The following AGBL1 variants were observed in gnomAD, a reference collection of about 807,000 sequenced individuals.
The protein encoded by AGBL1 is AGBL carboxypeptidase 1.
Under a neutral mutation model 118.9 loss-of-function variants are expected in AGBL1, and 130 were observed. The ratio of observed to expected loss-of-function variants is 1.09; its 90% CI spans 0.95 to 1.26. The LOEUF (loss-of-function observed/expected upper bound fraction) is 1.26, where lower values mean the gene tolerates loss of function less well. Among genes scored for constraint, AGBL1 ranks in the 50% most tolerant of loss-of-function variants. The pLI is 0.00. For synonymous variants in AGBL1, 555 were observed against 478.9 expected (o/e 1.16, Z -2.08); for missense variants, 1,584 against 1,298.1 (o/e 1.22, Z -3.38).
At chr15:87,022,702 A>G (rs1356382873) in intron 24 of AGBL1, among the ~76,000 whole-genome samples, 3 of 152,076 alleles carry the variant, frequency 2.0e-5, no homozygotes, top group African/African-American at 7.2e-5. Flanking sequence ...GAGCTGTGAG[A>G]CAAAAGTACC....
chr15:86,397,577 A>G (rs1172030224), intron 18 of AGBL1, 31 bp downstream of exon 18: 4 of 1,573,140 alleles, frequency 2.5e-6, no homozygotes, highest in Non-Finnish European at 3.5e-6. Context: ...AGCCAAACCC[A>G]CAATTATGCT....
chr15:86,632,133 T>A (rs1404091376), intron 21 of AGBL1, among the ~76,000 whole-genome samples: 2 of 151,230 alleles, frequency 1.3e-5, no homozygotes, highest in Middle Eastern at 3.2e-3. Context: ...CCAGGTGTGG[T>A]GGCTCACATT....
chr15:86,565,161 C>G (rs969161652), intron 21 of AGBL1, among the ~76,000 whole-genome samples: 1 of 152,326 alleles, frequency 6.6e-6, no homozygotes, highest in Non-Finnish European at 1.5e-5. Flanking sequence ...CAGCTTTGTT[C>G]CATTGCTGGC....
At chr15:86,968,876 C>A (rs762105325) in intron 23 of AGBL1, among the ~76,000 whole-genome samples, 29 of 151,828 alleles carry the variant, frequency 1.9e-4, no homozygotes, top group Non-Finnish European at 3.2e-4. Flanking sequence ...TTTCTCACAT[C>A]GTGGAAGAGG....
At chr15:86,788,640 C>T (rs574565067) in intron 22 of AGBL1, among the ~76,000 whole-genome samples, 4 of 152,132 alleles carry the variant, frequency 2.6e-5, no homozygotes, top group Admixed American at 6.5e-5. Flanking sequence ...TACAAAATCA[C>T]GGCCATAAAT....
At chr15:86,322,904 T>G (rs2080125369) in intron 17 of AGBL1, among the ~76,000 whole-genome samples, 1 of 152,182 alleles carries the variant, frequency 6.6e-6, no homozygotes, top group African/African-American at 2.4e-5. Context: ...CTGGTTCACT[T>G]TTGTATTACG....
intron 5 of AGBL1, among the ~76,000 whole-genome samples, chr15:86,189,689 A>C (rs901051038): frequency 6.6e-5 from 10 of 152,142 alleles, no homozygotes; most frequent in African/African-American, 2.4e-4. Context: ...CACCTCTGCC[A>C]TGAGAGGAAG....
intron 24 of AGBL1, among the ~76,000 whole-genome samples, chr15:87,020,091 A>G (rs922436616): frequency 7.2e-5 from 11 of 152,122 alleles, no homozygotes; most frequent in African/African-American, 2.7e-4. Flanking sequence ...AGAGACCAAT[A>G]ATAAGTTCTG....
intron 17 of AGBL1, among the ~76,000 whole-genome samples, chr15:86,372,218 A>G (rs2080981182): frequency 6.6e-6 from 1 of 152,202 alleles, no homozygotes; most frequent in Non-Finnish European, 1.5e-5. Flanking sequence ...AGAATGTCCC[A>G]ATTCAGCCAA....
intron 22 of AGBL1, among the ~76,000 whole-genome samples, chr15:86,860,862 C>A (rs574595670): frequency 6.8e-4 from 104 of 152,138 alleles, no homozygotes; most frequent in African/African-American, 2.5e-3. Context: ...GGGCAGAAAG[C>A]AATAAGGAGG....
intron 21 of AGBL1, among the ~76,000 whole-genome samples, chr15:86,578,748 T>C (rs1300126154): frequency 6.6e-6 from 1 of 152,190 alleles, no homozygotes; most frequent in Non-Finnish European, 1.5e-5. Flanking sequence ...ACGAGCTCTC[T>C]CTTTTTGCCT....
chr15:86,628,595 G>T (rs896960015), intron 21 of AGBL1, among the ~76,000 whole-genome samples: 2 of 152,024 alleles, frequency 1.3e-5, no homozygotes, highest in African/African-American at 2.4e-5. Context: ...AGGAGATCGA[G>T]ACCACCCTGG....
chr15:87,009,218 G>A (rs1422308708), intron 24 of AGBL1, among the ~76,000 whole-genome samples: 2 of 152,120 alleles, frequency 1.3e-5, no homozygotes, highest in African/African-American at 4.8e-5. Flanking sequence ...TATGCTATGT[G>A]CAGTCTTGGG....
intron 3 of AGBL1, among the ~76,000 whole-genome samples, chr15:86,147,282 T>G (rs939401937): frequency 1.3e-5 from 2 of 152,046 alleles, no homozygotes; most frequent in Non-Finnish European, 2.9e-5. Flanking sequence ...GTGCAGCCCA[T>G]GGAGGGCAAG....
chr15:86,116,197 C>T (rs34347645), intron 1 of AGBL1, among the ~76,000 whole-genome samples: 1 of 151,976 alleles, frequency 6.6e-6, no homozygotes, highest in African/African-American at 2.4e-5. Flanking sequence ...ATTTCAGCTA[C>T]AGCAAAACAC....
At chr15:86,508,902 C>T (rs183744896) in intron 18 of AGBL1, among the ~76,000 whole-genome samples, 4 of 152,264 alleles carry the variant, frequency 2.6e-5, no homozygotes, top group African/African-American at 9.6e-5. Flanking sequence ...TCACTGAGTA[C>T]ATACGAAGCA....
chr15:86,625,017 T>G (rs1017444356), intron 21 of AGBL1, among the ~76,000 whole-genome samples: 1 of 152,152 alleles, frequency 6.6e-6, no homozygotes, highest in African/African-American at 2.4e-5. Context: ...GTGAGTGAGA[T>G]GAAGGACTGG....
At chr15:86,506,102 T>G (rs2142168279) in intron 18 of AGBL1, among the ~76,000 whole-genome samples, 1 of 152,176 alleles carries the variant, frequency 6.6e-6, no homozygotes. Context: ...GGGAACCTAC[T>G]GTTGATGTCT....
rs577025476 is a variant in AGBL1, at chr15:86,443,996, T to A, written c.2555+46450T>A. ...GTAGTAGGATTGCTGGATCATATGA[T>A]AGATTTGTTTTTAGTTTATGGCGGA... On this transcript the variant is annotated intron_variant, in intron 18 of 22. Transcript: ENST00000614907. 3.3e-4 allele frequency among the ~76,000 whole-genome samples: 50 copies of A among 152,328 alleles called. No individual in the cohort carries two copies. In the South Asian group the frequency reaches 0.01, roughly 31 times the overall value.
Sources: allele counts gnomAD v4.1 joint callset (sites outside exome capture counted in the v4.1 genomes callset), GRCh38; gene constraint gnomAD v4.1.1; transcripts MANE v1.5; gene names NCBI Gene and HGNC (gene_info 2026-07-23, HGNC 2026-07-21).